The following HDLBP variants were observed in gnomAD, a reference collection of about 807,000 sequenced individuals.
HDLBP encodes high density lipoprotein binding protein.
A neutral mutation model predicts 137.3 loss-of-function variants in HDLBP; 30 were observed. The observed-to-expected ratio is 0.22, with a 90% CI of 0.16 to 0.30. The LOEUF (loss-of-function observed/expected upper bound fraction) is 0.30. HDLBP is among the 10% of genes least tolerant of loss of function. The pLI is 1.00. For missense variants in HDLBP, 1,119 were observed against 1,667.3 expected (o/e 0.67, Z 5.73); for synonymous variants, 606 against 596.0 (o/e 1.02, Z -0.24).
At chr2:241,306,460 T>C (rs937083412) in intron 1 of HDLBP, among the ~76,000 whole-genome samples, 7 of 151,966 alleles carry the variant, frequency 4.6e-5, no homozygotes, top group African/African-American at 1.7e-4. Flanking sequence ...GGCTTCTCCA[T>C]GTTGGTCAGG....
At chr2:241,268,728 A>G (rs1320075657) in intron 1 of HDLBP, 187 bp from the exon 2 acceptor site, 1 of 153,836 alleles carries the variant, frequency 6.5e-6, no homozygotes. Context: ...TTGAAACAAA[A>G]CATATTAAAA....
intron 11 of HDLBP, among the ~76,000 whole-genome samples, chr2:241,251,747 G>C (rs2072202253): frequency 1.3e-5 from 2 of 152,206 alleles, no homozygotes; most frequent in African/African-American, 4.8e-5. Context: ...GGCCGAGGTG[G>C]GCAGATCAAC....
intron 1 of HDLBP, among the ~76,000 whole-genome samples, chr2:241,312,326 G>A (rs1271270759): frequency 6.6e-6 from 1 of 152,180 alleles, no homozygotes; most frequent in Non-Finnish European, 1.5e-5. Context: ...ACTTCAGTGT[G>A]CTTGGTAAAA....
rs2069631515 is a variant in HDLBP at position 241,230,657 on chromosome 2, T to C, written c.3474+102A>G. ...CACTGCCAGCCCTGGGGTTGTGGCC[T>C]CATCATCTTGAGGGGAAGGCCATGC... On this transcript the variant is annotated intron_variant, in intron 25 of 27. Transcript: ENST00000310931. This position sits in a 1 kb window ranked among gnomAD's most constrained non-coding sequence, Gnocchi z 5.0. 9.9e-7 allele frequency: 1 copy of C among 1,012,000 alleles called. No individual in the cohort carries two copies. Among genetic ancestry groups the C allele is most frequent in the Non-Finnish European group, 1.5e-6 (1 of 672,998 alleles). 62.7% of individuals were successfully genotyped at this position (1,012,000 alleles called of 1,614,324 possible).
intron 3 of HDLBP, among the ~76,000 whole-genome samples, chr2:241,265,906 C>A (rs970492010): frequency 6.6e-6 from 1 of 152,198 alleles, no homozygotes; most frequent in Non-Finnish European, 1.5e-5. Flanking sequence ...AGCAGCTTCT[C>A]GGGTTCCAAC....
Position 241,272,542 on chromosome 2 carries a change from G to C in HDLBP, c.-102-4001C>G, listed in dbSNP as rs1022332229. 1.0e-6 allele frequency: 1 copy of C among 984,430 alleles called. No individual in the cohort carries two copies. The highest frequency in any genetic ancestry group is 6.2e-5 in the Admixed American group (1 of 16,186). The allele number at this position is 984,430 out of a possible 1,614,324, so 61.0% of individuals were successfully genotyped here. A position where few individuals can be genotyped will look rare whatever the true frequency, so the allele number is the denominator to read the frequency against. ...CACGGCCACGCGCAGAAGAGACTCGGAGCCGGCCCCAGGTCTGGCCCGGAA... is the reference window on the plus strand; with the variant it reads ...CACGGCCACGCGCAGAAGAGACTCGCAGCCGGCCCCAGGTCTGGCCCGGAA... On this transcript the variant is annotated intron_variant, in intron 1 of 27. Coordinates refer to ENST00000310931, the MANE Select transcript of HDLBP (RefSeq NM_005336.6). The surrounding 1 kb of genome is among the most constrained non-coding windows in gnomAD (Gnocchi z 5.6).
Position 241,229,427 on chromosome 2 carries a change from C to A in HDLBP, c.*174G>T. ...CAGGTCCTGAGCGGGCACGGCCAGGCCTGGAGGAGCGGCCGCACACACAGC... is the reference window on the plus strand; with the variant it reads ...CAGGTCCTGAGCGGGCACGGCCAGGACTGGAGGAGCGGCCGCACACACAGC... On this transcript the variant is annotated 3_prime_UTR_variant, in exon 28 of 28. Coordinates refer to ENST00000310931, the MANE Select transcript of HDLBP (RefSeq NM_005336.6). The A allele has an allele frequency of 2.1e-5, 12 of 570,918 alleles. No individual in the cohort carries two copies. 35.4% of individuals were successfully genotyped at this position (570,918 alleles called of 1,614,324 possible). A position where few individuals can be genotyped will look rare whatever the true frequency, so the allele number is the denominator to read the frequency against.
At chr2:241,231,060 G>A (rs865791389) in intron 24 of HDLBP, 116 bp from the exon 25 acceptor site, 20 of 857,784 alleles carry the variant, frequency 2.3e-5, no homozygotes, top group East Asian at 5.0e-5. Context: ...GGAAAGCAAC[G>A]TCACGGCTGA....
At chr2:241,310,951 A>C (rs1559562151) in intron 1 of HDLBP, among the ~76,000 whole-genome samples, 1 of 152,112 alleles carries the variant, frequency 6.6e-6, no homozygotes, top group East Asian at 1.9e-4. Context: ...CATGTCTACA[A>C]AAAGTTTTTA....
rs1162882289 is a variant in HDLBP, at chr2:241,272,141, G to A, written c.-102-3600C>T. The A allele has an allele frequency of 2.0e-6, 2 of 982,778 alleles. No individual in the cohort carries two copies. Among genetic ancestry groups the A allele is most frequent in the Non-Finnish European group, 2.4e-6 (2 of 827,494 alleles). 60.9% of individuals were successfully genotyped at this position (982,778 alleles called of 1,614,324 possible). A position where few individuals can be genotyped will look rare whatever the true frequency, so the allele number is the denominator to read the frequency against. ...AAGTTGCACTCCAGGCCCAAGAAGA[G>A]CAGCTTTCCCCACCCCCGAACACGT... On this transcript the variant is annotated intron_variant, in intron 1 of 27. Transcript: ENST00000310931. This position sits in a 1 kb window ranked among gnomAD's most constrained non-coding sequence, Gnocchi z 5.6.
chr2:241,236,977 T>TGGGGGGGG (rs530665718), intron 20 of HDLBP, among the ~76,000 whole-genome samples: 1 of 108,198 alleles, frequency 9.2e-6, no homozygotes. Context: ...TCCCAGACCT[T>TGGGGGGGG]GGGGGGGGGG....
intron 16 of HDLBP, 29 bp downstream of exon 16, chr2:241,246,723 G>T (rs1183469378): frequency 1.2e-6 from 2 of 1,604,678 alleles, no homozygotes; most frequent in Non-Finnish European, 1.7e-6. Flanking sequence ...TTTACTGGAG[G>T]ATCTCCATTA....
At chr2:241,249,709 CCG>C in intron 12 of HDLBP, 130 bp downstream of exon 12, 1 of 842,782 alleles carries the variant, frequency 1.2e-6, no homozygotes, top group South Asian at 1.8e-5. Flanking sequence ...GGAGTCCAAT[CCG>C]GTTCCAGTGC....
chr2:241,313,169 C>T (rs114734642), intron 1 of HDLBP, among the ~76,000 whole-genome samples: 1 of 152,356 alleles, frequency 6.6e-6, no homozygotes, highest in African/African-American at 2.4e-5. Context: ...CCACACCTTA[C>T]ACATATTTCT....
At chr2:241,299,709 A>C (rs533006945) in intron 1 of HDLBP, among the ~76,000 whole-genome samples, 4 of 152,098 alleles carry the variant, frequency 2.6e-5, no homozygotes, top group Admixed American at 2.0e-4. Context: ...AGGTCAGGAG[A>C]TCGAGATCAT....
At chr2:241,229,794 C>CCCCCCCGGG in intron 27 of HDLBP, 39 bp downstream of exon 27, 1 of 1,560,474 alleles carries the variant, frequency 6.4e-7, no homozygotes, top group Non-Finnish European at 8.7e-7. Flanking sequence ...GCCCGCCCAC[C>CCCCCCCGGG]CTCCCTGGGA....
chr2:241,240,718 GAGGCC>G lies in HDLBP; in HGVS notation c.2170-601_2170-597del, dbSNP rs201065570. 0.044 allele frequency among the ~76,000 whole-genome samples: 6,651 copies of G among 152,196 alleles called. 509 individuals carry two copies. Among genetic ancestry groups the G allele is most frequent in the African/African-American group, 0.15 (6,259 of 41,496 alleles). ...GGCTACAGTTAGAGACCGGTCCTCAGAGGCCTCGTGTAGTGCGACGCCCTTGTGTG... is the reference window on the plus strand; with the variant it reads ...GGCTACAGTTAGAGACCGGTCCTCAGTCGTGTAGTGCGACGCCCTTGTGTG... On this transcript the variant is annotated intron_variant, in intron 17 of 27. Transcript: ENST00000310931. The surrounding 1 kb of genome is among the most constrained non-coding windows in gnomAD (Gnocchi z 5.5).
chr2:241,306,686 T>C (rs1434046028), intron 1 of HDLBP, among the ~76,000 whole-genome samples: 3 of 151,730 alleles, frequency 2.0e-5, no homozygotes, highest in Non-Finnish European at 4.4e-5. Flanking sequence ...GGCTGGCAGA[T>C]CATTTGAGGT....
rs1000442385 is a variant in HDLBP, at chr2:241,229,817, G to A, written c.3720+16C>T. ...ACCCTCCCTGGGACCCAGGAGGGCAGAAGCCCGCATCTGACCTTCTCACTG... is the reference window on the plus strand; with the variant it reads ...ACCCTCCCTGGGACCCAGGAGGGCAAAAGCCCGCATCTGACCTTCTCACTG... On this transcript the variant is annotated intron_variant, in intron 27 of 27. Transcript: ENST00000310931. The A allele has an allele frequency of 2.3e-6, 3 of 1,278,316 alleles. No homozygotes were observed. The highest frequency in any genetic ancestry group is 1.2e-5 in the South Asian group (1 of 80,946). The allele number at this position is 1,278,316 out of a possible 1,614,324, so 79.2% of individuals were successfully genotyped here. A position where few individuals can be genotyped will look rare whatever the true frequency, so the allele number is the denominator to read the frequency against.
Sources: allele counts gnomAD v4.1 joint callset (sites outside exome capture counted in the v4.1 genomes callset), GRCh38; gene constraint gnomAD v4.1.1; non-coding constraint Gnocchi (gnomAD v3.1); transcripts MANE v1.5; gene names NCBI Gene and HGNC (gene_info 2026-07-23, HGNC 2026-07-21).